The following ZCCHC14 variants were observed in gnomAD, a reference collection of about 807,000 sequenced individuals.
The protein encoded by ZCCHC14 is zinc finger CCHC domain-containing protein 14.
In ZCCHC14, 16 loss-of-function variants were observed where a neutral mutation model predicts 85.0. The ratio of observed to expected loss-of-function variants is 0.19; its 90% CI spans 0.13 to 0.29. ZCCHC14 has a LOEUF of 0.29. ZCCHC14 is among the 10% of genes least tolerant of loss of function. ZCCHC14 has a pLI of 1.00. For synonymous variants in ZCCHC14, 775 were observed against 630.7 expected, an observed-to-expected ratio of 1.23 and a Z score of -3.43; for missense variants, 1,303 against 1,443.5, an observed-to-expected ratio of 0.90 and a Z score of 1.58.
At position 87,492,314 on chromosome 16, in the gene ZCCHC14, C is replaced by T; in HGVS notation, c.-76G>A. ...GGCCGGGGGGCGCCGGGGGCCGCGGCCGGGGCGCGCCGGGACCGGGGACGC... is the reference window on the plus strand; with the variant it reads ...GGCCGGGGGGCGCCGGGGGCCGCGGTCGGGGCGCGCCGGGACCGGGGACGC... On this transcript the variant is annotated 5_prime_UTR_variant, in exon 1 of 13. Transcript: ENST00000671377. This position sits in a 1 kb window ranked among gnomAD's most constrained non-coding sequence, Gnocchi z 6.7. 1 of 688,470 alleles carries T rather than the reference C, an allele frequency of 1.5e-6. No homozygotes were observed. Among genetic ancestry groups the T allele is most frequent in the Non-Finnish European group, 1.8e-6 (1 of 563,414 alleles). 42.6% of individuals were successfully genotyped at this position (688,470 alleles called of 1,614,324 possible). A position where few individuals can be genotyped will look rare whatever the true frequency, so the allele number is the denominator to read the frequency against.
In ZCCHC14 at chr16:87,433,553, G is replaced by A. The variant is rs542689593; in HGVS notation, c.695-352C>T. Reference sequence around the variant, plus strand: ...CCGGGTTCACCCTCAAAACCGTTACGAATCTGTCCCAACTTCTGAAAAGGT... The same window carrying A: ...CCGGGTTCACCCTCAAAACCGTTACAAATCTGTCCCAACTTCTGAAAAGGT... On this transcript the variant is annotated intron_variant, in intron 2 of 12. Transcript: ENST00000671377. Among the ~76,000 whole-genome samples the A allele has an allele frequency of 5.3e-5, 8 of 152,350 alleles. No individual in the cohort carries two copies. The South Asian group carries it at 8.3e-4, about 16-fold the overall frequency.
intron 1 of ZCCHC14, among the ~76,000 whole-genome samples, chr16:87,480,389 C>A (rs923860150): frequency 4.0e-5 from 6 of 151,580 alleles, no homozygotes; most frequent in African/African-American, 9.7e-5. Flanking sequence ...GGCGACAGAG[C>A]GAGACACTGT....
intron 1 of ZCCHC14, among the ~76,000 whole-genome samples, chr16:87,462,079 G>GT (rs979840310): frequency 6.7e-6 from 1 of 148,946 alleles, no homozygotes; most frequent in Non-Finnish European, 1.5e-5. Flanking sequence ...ACTGGCCTGG[G>GT]TAACAGCGAG....
rs768347990 is a variant in ZCCHC14 at position 87,414,513 on chromosome 16, G to C, written c.1504C>G (p.Pro502Ala). 6.2e-7 allele frequency: 1 copy of C among 1,612,778 alleles called. No individual in the cohort carries two copies. Among genetic ancestry groups the C allele is most frequent in the Non-Finnish European group, 8.5e-7 (1 of 1,179,528 alleles). The change falls in exon 10 of 13, where the codon CCC becomes GCC. Residue 502 changes from proline (P) to alanine (A), a missense_variant. Transcript: ENST00000671377. ...KEKSERRCLN[P>A]SAPPLVTSSG... Reference sequence around the variant, plus strand: ...CTGGTGACCAGCGGCGGGGCCGAGGGGTTCAGGCACCGTCTCTCTGACTTC... The same window carrying C: ...CTGGTGACCAGCGGCGGGGCCGAGGCGTTCAGGCACCGTCTCTCTGACTTC...
At chr16:87,456,203 C>A (rs191422754) in intron 2 of ZCCHC14, among the ~76,000 whole-genome samples, 1 of 152,128 alleles carries the variant, frequency 6.6e-6, no homozygotes, top group Non-Finnish European at 1.5e-5. Context: ...CCAGCACAAC[C>A]CAGGAAAGGC....
intron 3 of ZCCHC14, among the ~76,000 whole-genome samples, chr16:87,426,198 C>T (rs1400371309): frequency 1.3e-5 from 2 of 152,202 alleles, no homozygotes; most frequent in African/African-American, 4.8e-5. Flanking sequence ...CTCTACCTCA[C>T]CTGCCGACTT....
At chr16:87,467,051 T>TG in intron 1 of ZCCHC14, 1 of 449,716 alleles carries the variant, frequency 2.2e-6, no homozygotes, top group Non-Finnish European at 4.0e-6. Flanking sequence ...AATTGTTTTT[T>TG]TTTTTTTTTT....
intron 8 of ZCCHC14, among the ~76,000 whole-genome samples, 158 bp downstream of exon 8, chr16:87,417,302 G>A (rs1477608184): frequency 3.3e-5 from 5 of 152,126 alleles, no homozygotes; most frequent in Non-Finnish European, 5.9e-5. Flanking sequence ...AGCTGCAGGC[G>A]GCCTCCGCAA....
intron 2 of ZCCHC14, among the ~76,000 whole-genome samples, chr16:87,459,612 C>T (rs1262723359): frequency 6.6e-6 from 1 of 151,680 alleles, no homozygotes; most frequent in African/African-American, 2.4e-5. Flanking sequence ...TGGGTTCAAG[C>T]GATTCTCCTG....
chr16:87,459,432 C>T (rs1420632008), intron 2 of ZCCHC14, among the ~76,000 whole-genome samples: 2 of 151,878 alleles, frequency 1.3e-5, no homozygotes, highest in Non-Finnish European at 2.9e-5. Context: ...GCAACCTCCA[C>T]CTCCTGGGTT....
intron 2 of ZCCHC14, among the ~76,000 whole-genome samples, chr16:87,455,934 C>G (rs1450856495): frequency 6.6e-6 from 1 of 152,180 alleles, no homozygotes; most frequent in Non-Finnish European, 1.5e-5. Context: ...GTAGGCTAGG[C>G]TAAGCCATGA....
intron 1 of ZCCHC14, among the ~76,000 whole-genome samples, chr16:87,478,365 T>C (rs1450626060): frequency 3.3e-5 from 5 of 152,116 alleles, no homozygotes; most frequent in South Asian, 2.1e-4. Flanking sequence ...TGATCAGTGG[T>C]GGAAAACAAT....
chr16:87,412,994 A>C lies in ZCCHC14; in HGVS notation c.1745-18T>G, dbSNP rs2150721352. 6.2e-7 allele frequency: 1 copy of C among 1,613,736 alleles called. No individual in the cohort carries two copies. Among genetic ancestry groups the C allele is most frequent in the East Asian group, 2.2e-5 (1 of 44,876 alleles). ...CTCCACACCTAGAGAGGGAAACAAG[A>C]GTGGTCAGTGCCATTCCACAGCTGG... On this transcript the variant is annotated intron_variant, in intron 11 of 12. Coordinates refer to ENST00000671377, the MANE Select transcript of ZCCHC14 (RefSeq NM_015144.3).
intron 3 of ZCCHC14, among the ~76,000 whole-genome samples, chr16:87,425,149 T>G (rs916020833): frequency 2.6e-4 from 39 of 152,150 alleles, no homozygotes; most frequent in African/African-American, 9.4e-4. Context: ...CACAGGCCAG[T>G]CGAGGAAAGG....
At chr16:87,454,209 G>A (rs960299712) in intron 2 of ZCCHC14, among the ~76,000 whole-genome samples, 1 of 152,224 alleles carries the variant, frequency 6.6e-6, no homozygotes, top group Non-Finnish European at 1.5e-5. Context: ...TGGAGTCTCA[G>A]ATGGAGAAGA....
At chr16:87,448,020 C>CT (rs1910523650) in intron 2 of ZCCHC14, among the ~76,000 whole-genome samples, 1 of 145,382 alleles carries the variant, frequency 6.9e-6, no homozygotes, top group African/African-American at 2.5e-5. Context: ...AACTGCCTTT[C>CT]TTTTTTCTGC....
At chr16:87,454,553 A>G (rs1266768421) in intron 2 of ZCCHC14, among the ~76,000 whole-genome samples, 2 of 152,258 alleles carry the variant, frequency 1.3e-5, no homozygotes, top group South Asian at 2.1e-4. Context: ...CAAAACAAAG[A>G]TATTTTCAGA....
chr16:87,443,242 T>A (rs1274767265), intron 2 of ZCCHC14, among the ~76,000 whole-genome samples: 1 of 152,196 alleles, frequency 6.6e-6, no homozygotes, highest in East Asian at 1.9e-4. Flanking sequence ...GGTTTCCACC[T>A]TCCACCGGCA....
At chr16:87,454,316 A>C (rs564335838) in intron 2 of ZCCHC14, among the ~76,000 whole-genome samples, 10 of 152,358 alleles carry the variant, frequency 6.6e-5, no homozygotes, top group African/African-American at 2.2e-4. Context: ...AGTAAACAAG[A>C]AATGAAATAA....
Sources: allele counts gnomAD v4.1 joint callset (sites outside exome capture counted in the v4.1 genomes callset), GRCh38; gene constraint gnomAD v4.1.1; non-coding constraint Gnocchi (gnomAD v3.1); transcripts MANE v1.5; gene names NCBI Gene and HGNC (gene_info 2026-07-23, HGNC 2026-07-21).